The following NDST3 variants were observed in gnomAD, a reference collection of about 807,000 sequenced individuals.
NDST3 encodes bifunctional heparan sulfate N-deacetylase/N-sulfotransferase 3.
In NDST3, 58 loss-of-function variants were observed where a neutral mutation model predicts 96.1. The observed-to-expected ratio is 0.60, with a 90% CI of 0.49 to 0.75. The LOEUF (loss-of-function observed/expected upper bound fraction) is 0.75. Ranked by LOEUF, NDST3 falls within the 30% of genes least tolerant of loss-of-function variation. NDST3 has a pLI of 0.00. For missense variants in NDST3, 788 were observed against 1,034.2 expected, an observed-to-expected ratio of 0.76 and a Z score of 3.27; for synonymous variants, 333 against 359.7, an observed-to-expected ratio of 0.93 and a Z score of 0.84.
Position 118,053,794 on chromosome 4 carries a change from G to C in NDST3, c.-117G>C, listed in dbSNP as rs1483220956. 9.3e-7 allele frequency: 1 copy of C among 1,073,840 alleles called. No homozygotes were observed. The highest frequency in any genetic ancestry group is 2.4e-5 in the East Asian group (1 of 41,342). The allele number at this position is 1,073,840 out of a possible 1,614,324, so 66.5% of individuals were successfully genotyped here. ...TGAGTCCTGATCAAGTGATACAAAT[G>C]AGCTGCAATGGTGACATAAACTCTT... On this transcript the variant is annotated 5_prime_UTR_variant, in exon 2 of 14. An upstream start codon of the reference 5' UTR is lost. Coordinates refer to ENST00000296499, the MANE Select transcript of NDST3 (RefSeq NM_004784.3).
At chr4:118,227,866 C>A (rs2125996817) in intron 8 of NDST3, among the ~76,000 whole-genome samples, 1 of 152,284 alleles carries the variant, frequency 6.6e-6, no homozygotes, top group Non-Finnish European at 1.5e-5. Flanking sequence ...CCCGCCTCGG[C>A]CTCCCAAAGT....
At chr4:118,219,745 C>G (rs1739414957) in intron 6 of NDST3, among the ~76,000 whole-genome samples, 1 of 152,070 alleles carries the variant, frequency 6.6e-6, no homozygotes, top group Admixed American at 6.6e-5. Context: ...TCAGAGTGAA[C>G]AGGCAACCTA....
At chr4:118,059,129 T>G (rs1399432474) in intron 2 of NDST3, among the ~76,000 whole-genome samples, 2 of 152,066 alleles carry the variant, frequency 1.3e-5, no homozygotes, top group African/African-American at 4.8e-5. Flanking sequence ...CTTTCAAACT[T>G]TGAGAAAATT....
chr4:118,051,694 A>G (rs1725087267), intron 1 of NDST3, among the ~76,000 whole-genome samples: 1 of 152,086 alleles, frequency 6.6e-6, no homozygotes. Context: ...TGCTGATGAT[A>G]TGATTCTATA....
At chr4:118,202,345 G>A (rs935740149) in intron 6 of NDST3, among the ~76,000 whole-genome samples, 18 of 151,952 alleles carry the variant, frequency 1.2e-4, no homozygotes, top group African/African-American at 4.1e-4. Flanking sequence ...AGAATCATTT[G>A]TTCTGTGAAA....
intron 6 of NDST3, among the ~76,000 whole-genome samples, chr4:118,145,667 T>G (rs957919973): frequency 6.6e-6 from 1 of 152,192 alleles, no homozygotes; most frequent in Non-Finnish European, 1.5e-5. Flanking sequence ...TTCAGGCCTT[T>G]ATGAATGATA....
chr4:118,221,991 CTA>C (rs1739576883), intron 6 of NDST3, among the ~76,000 whole-genome samples: 1 of 128,438 alleles, frequency 7.8e-6, no homozygotes, highest in South Asian at 2.6e-4. Flanking sequence ...AATTTTCCAT[CTA>C]AAAAAAAAAA....
chr4:118,177,540 A>C (rs981339732), intron 6 of NDST3, among the ~76,000 whole-genome samples: 3 of 152,030 alleles, frequency 2.0e-5, no homozygotes, highest in Non-Finnish European at 4.4e-5. Flanking sequence ...AATTTGGTTT[A>C]AGATTACAGG....
intron 2 of NDST3, among the ~76,000 whole-genome samples, chr4:118,071,756 T>G (rs1727095707): frequency 6.6e-6 from 1 of 152,144 alleles, no homozygotes; most frequent in Non-Finnish European, 1.5e-5. Context: ...GTAGAACAAT[T>G]TATATTCCTT....
At chr4:118,149,573 T>C (rs1226234071) in intron 6 of NDST3, among the ~76,000 whole-genome samples, 1 of 149,294 alleles carries the variant, frequency 6.7e-6, no homozygotes, top group Admixed American at 6.9e-5. Flanking sequence ...TGTTGGTGTA[T>C]AAGAATGCTT....
At chr4:118,149,213 G>T (rs1734194379) in intron 6 of NDST3, among the ~76,000 whole-genome samples, 1 of 152,118 alleles carries the variant, frequency 6.6e-6, no homozygotes, top group African/African-American at 2.4e-5. Context: ...TGTTCTTTTG[G>T]CTTAGGATTG....
chr4:118,180,011 A>G (rs1736507216), intron 6 of NDST3, among the ~76,000 whole-genome samples: 1 of 152,098 alleles, frequency 6.6e-6, no homozygotes, highest in Non-Finnish European at 1.5e-5. Context: ...TCCAGTTAAC[A>G]TGGTTCTTAA....
intron 6 of NDST3, among the ~76,000 whole-genome samples, chr4:118,209,215 T>TA (rs1419826899): frequency 6.6e-6 from 1 of 152,210 alleles, no homozygotes; most frequent in African/African-American, 2.4e-5. Context: ...AAAATTAATA[T>TA]AACCTTTGTG....
intron 9 of NDST3, among the ~76,000 whole-genome samples, chr4:118,234,673 T>C (rs528694890): frequency 6.6e-6 from 1 of 152,070 alleles, no homozygotes; most frequent in South Asian, 2.1e-4. Flanking sequence ...TTATTCTTAA[T>C]TTTTTACCAT....
At chr4:118,049,337 C>A (rs1266190187) in intron 1 of NDST3, among the ~76,000 whole-genome samples, 1 of 151,400 alleles carries the variant, frequency 6.6e-6, no homozygotes, top group Non-Finnish European at 1.5e-5. Context: ...ACAAACATAC[C>A]CCCACAGCTG....
chr4:118,144,514 A>C (rs1004376006), intron 6 of NDST3, among the ~76,000 whole-genome samples: 2 of 152,166 alleles, frequency 1.3e-5, no homozygotes, highest in South Asian at 4.1e-4. Flanking sequence ...CTTGTGTGTC[A>C]GCTCCACAAT....
intron 7 of NDST3, 132 bp downstream of exon 7, chr4:118,224,805 A>C: frequency 2.8e-6 from 2 of 711,900 alleles, no homozygotes; most frequent in South Asian, 2.5e-5. Flanking sequence ...TTGAGAAACT[A>C]CTCCTTCCTA....
chr4:118,113,789 C>G (rs1182863771), intron 3 of NDST3, among the ~76,000 whole-genome samples: 1 of 152,106 alleles, frequency 6.6e-6, no homozygotes, highest in East Asian at 1.9e-4. Context: ...ACCCACTACT[C>G]AGGGAGCTTA....
chr4:118,139,902 C>G (rs1733430033), intron 5 of NDST3, among the ~76,000 whole-genome samples: 1 of 152,094 alleles, frequency 6.6e-6, no homozygotes, highest in Non-Finnish European at 1.5e-5. Flanking sequence ...CCTGGTGCTG[C>G]TTCCTACTTT....
Sources: allele counts gnomAD v4.1 joint callset (sites outside exome capture counted in the v4.1 genomes callset), GRCh38; gene constraint gnomAD v4.1.1; transcripts MANE v1.5; gene names NCBI Gene and HGNC (gene_info 2026-07-23, HGNC 2026-07-21).